The following RFX6 variants were observed in gnomAD, a reference collection of about 807,000 sequenced individuals.
The protein encoded by RFX6 is DNA-binding protein RFX6.
RFX6 carries 50 observed loss-of-function variants against 110.8 expected under a neutral mutation model. The observed-to-expected ratio is 0.45, with a 90% CI of 0.36 to 0.57. The LOEUF is 0.57. Ranked by LOEUF, RFX6 falls within the 20% of genes least tolerant of loss-of-function variation. The probability of loss-of-function intolerance (pLI) is 0.00; values close to 1 mark genes in which losing one functional copy is unlikely to be tolerated. For synonymous variants in RFX6, 383 were observed against 411.2 expected (o/e 0.93, Z 0.83); for missense variants, 990 against 1,127.0 (o/e 0.88, Z 1.74).
Position 116,919,055 on chromosome 6 carries a change from A to G in RFX6, c.1023-82A>G. On this transcript the variant is annotated intron_variant, in intron 10 of 18. Transcript: ENST00000332958. ...AAAGTACTGCTTATGAAACCATAGA[A>G]TAATAGTATACCTCAATTAAAATAT... 4.0e-6 allele frequency: 5 copies of G among 1,264,724 alleles called. 1 individual carries two copies. Among genetic ancestry groups the G allele is most frequent in the Non-Finnish European group, 5.8e-6 (5 of 868,466 alleles). The allele number at this position is 1,264,724 out of a possible 1,614,324, so 78.3% of individuals were successfully genotyped here.
At chr6:116,888,635 G>C (rs972615879) in intron 4 of RFX6, among the ~76,000 whole-genome samples, 1 of 152,114 alleles carries the variant, frequency 6.6e-6, no homozygotes, top group African/African-American at 2.4e-5. Context: ...TCTTTATTCA[G>C]AGTAACCTAC....
rs201186377 is a variant in RFX6, at chr6:116,920,323, C to T, written c.1196C>T (p.Ala399Val). 6 of 1,611,704 alleles carry T rather than the reference C, an allele frequency of 3.7e-6. No homozygotes were observed. The highest frequency in any genetic ancestry group is 1.7e-4 in the Middle Eastern group (1 of 6,060). The change falls in exon 12 of 19, where the codon GCT becomes GTT. Residue 399 changes from alanine (A) to valine (V), a missense_variant. Around this residue, in one of 5 missense-constraint regions of RFX6, gnomAD observed 243 missense variants for 353.1 expected, o/e 0.69. Coordinates refer to ENST00000332958, the MANE Select transcript of RFX6 (RefSeq NM_173560.4). ...FLHLAQIARP[A>V]LFDQHVVNSM... is the part of the protein sequence containing the mutation. ...TTCTCTATGCAGATTGCCAGACCAGCTCTCTTTGACCAGCATGTCGTTAAT... is the reference window on the plus strand; with the variant it reads ...TTCTCTATGCAGATTGCCAGACCAGTTCTCTTTGACCAGCATGTCGTTAAT...
At chr6:116,895,973 T>C (rs2114674477) in intron 6 of RFX6, among the ~76,000 whole-genome samples, 1 of 152,342 alleles carries the variant, frequency 6.6e-6, no homozygotes, top group Non-Finnish European at 1.5e-5. Context: ...AAATGGCCAA[T>C]TTCTTTCCAC....
chr6:116,894,045 T>A lies in RFX6; in HGVS notation c.625T>A (p.Ser209Thr). 2 of 1,595,084 alleles carry A rather than the reference T, an allele frequency of 1.3e-6. No homozygotes were observed. The highest frequency in any genetic ancestry group is 1.7e-6 in the Non-Finnish European group (2 of 1,162,802). Residue 209 changes from serine to threonine, a missense_variant, in exon 5 of 19, where the codon TCT becomes ACT. By Grantham distance (58) the Ser-to-Thr change is moderately conservative. This residue lies in a region of RFX6 where 243 missense variants were observed against 353.1 expected (regional missense o/e 0.69). Transcript: ENST00000332958. ...CAGTGCATATTACCACTCCGTTTAT[T>A]CTGGAAAGGGCTTGACAAGGTAGAG... ...ESSAYYHSVYSGKGLTRFSGS... is the reference protein window; with the variant it reads ...ESSAYYHSVYTGKGLTRFSGS...
At chr6:116,906,145 T>C (rs376010350) in intron 6 of RFX6, among the ~76,000 whole-genome samples, 14 of 152,324 alleles carry the variant, frequency 9.2e-5, no homozygotes, top group African/African-American at 2.9e-4. Context: ...CCCCATAGAA[T>C]GGTTTTGGCA....
At position 116,922,131 on chromosome 6, in the gene RFX6, G is replaced by A; in HGVS notation, c.1417G>A (p.Val473Ile). 2 of 1,456,098 alleles carry A rather than the reference G, an allele frequency of 1.4e-6. No homozygotes were observed. The highest frequency in any genetic ancestry group is 1.9e-6 in the Non-Finnish European group (2 of 1,037,270). 90.2% of individuals were successfully genotyped at this position (1,456,098 alleles called of 1,614,324 possible). A position where few individuals can be genotyped will look rare whatever the true frequency, so the allele number is the denominator to read the frequency against. The change falls in exon 13 of 19, where the codon GTA becomes ATA. Residue 473 changes from valine to isoleucine, a missense_variant. Coordinates refer to ENST00000332958, the MANE Select transcript of RFX6 (RefSeq NM_173560.4). Reference protein sequence around the residue: ...EAFIEWLDTVVEQRVIKTSKQ... With the variant: ...EAFIEWLDTVIEQRVIKTSKQ... Reference sequence around the variant, plus strand: ...TTTTATTGAATGGTTGGATACTGTGGTAGAACAGAGAGTTATTAAGGTACT... The same window carrying A: ...TTTTATTGAATGGTTGGATACTGTGATAGAACAGAGAGTTATTAAGGTACT...
chr6:116,911,181 C>A (rs1026402344), intron 7 of RFX6, 139 bp downstream of exon 7: 14 of 652,484 alleles, frequency 2.1e-5, no homozygotes, highest in African/African-American at 1.3e-4. Context: ...ATAGGAGAGG[C>A]AAACTTTTGT....
At chr6:116,885,930 C>A (rs1247205610) in intron 4 of RFX6, among the ~76,000 whole-genome samples, 1 of 151,920 alleles carries the variant, frequency 6.6e-6, no homozygotes, top group African/African-American at 2.4e-5. Context: ...ATTATCTTTG[C>A]AAACATTTCT....
chr6:116,931,844 G>T lies in RFX6; in HGVS notation c.*338G>T. The T allele has an allele frequency of 4.5e-6, 1 of 221,184 alleles. No individual in the cohort carries two copies. The highest frequency in any genetic ancestry group is 9.0e-6 in the Non-Finnish European group (1 of 111,272). The allele number at this position is 221,184 out of a possible 1,614,324, so 13.7% of individuals were successfully genotyped here. A position where few individuals can be genotyped will look rare whatever the true frequency, so the allele number is the denominator to read the frequency against. ...AACATCTGTGTGCCTTTTTATCTTT[G>T]GTTTCTTTTAAAAAGTATATTTAAT... On this transcript the variant is annotated 3_prime_UTR_variant, in exon 19 of 19. Transcript: ENST00000332958.
rs1431077637 is a variant in RFX6, at chr6:116,919,137, C to T, written c.1023C>T (p.Ser341=). The stretch of plus-strand genomic sequence containing the variant: ...ATTTAACACATAGCCTTCTTTGTAG[C>T]TTATTAGCAGACATAAGAAATTTTG... The part of the protein sequence containing the change: ...IPATMQEMPE[S]LLADIRNFAK... The change falls in exon 11 of 19, where the codon AGC becomes AGT. Residue 341 remains serine, a splice_region_variant and synonymous_variant. Transcript: ENST00000332958. 1.2e-6 allele frequency: 2 copies of T among 1,612,472 alleles called. No homozygotes were observed. Among genetic ancestry groups the T allele is most frequent in the Non-Finnish European group, 1.7e-6 (2 of 1,178,838 alleles).
chr6:116,909,116 T>A (rs1302295297), intron 6 of RFX6, among the ~76,000 whole-genome samples: 2 of 152,108 alleles, frequency 1.3e-5, no homozygotes, highest in African/African-American at 4.8e-5. Context: ...GTAAAAGGAT[T>A]TTTGATTACT....
chr6:116,886,158 G>A (rs7767664), intron 4 of RFX6, among the ~76,000 whole-genome samples: 15,033 of 151,974 alleles, frequency 0.099, 927 homozygotes, highest in African/African-American at 0.17. Flanking sequence ...CTAAATATTT[G>A]TTGAATTATT....
rs772750205 is a variant in RFX6, at chr6:116,877,407, A to G, written c.132A>G (p.Thr44=). The stretch of plus-strand genomic sequence containing the variant: ...GCTTGCTAGTCTATCCGGAAGAAAC[A>G]GTGTACCTGGCGGCCGAAGGGCAGC... The part of the protein sequence containing the change: ...GKGLLVYPEE[T]VYLAAEGQPG... The change falls in exon 1 of 19, where the codon ACA becomes ACG. Residue 44 remains threonine (T), a synonymous_variant. Transcript: ENST00000332958. 1.9e-6 allele frequency: 3 copies of G among 1,605,890 alleles called. No homozygotes were observed. The South Asian group carries it at 3.4e-5, about 18-fold the overall frequency.
rs575711022 is a variant in RFX6 at position 116,930,679 on chromosome 6, C to T, written c.2612-652C>T. On this transcript the variant is annotated intron_variant, in intron 18 of 18. Transcript: ENST00000332958. ...ATGTGAAGATCTGAGGGAGGAGTTCCAGGCAGAAGAAACAGTGAATGCAGA... is the reference window on the plus strand; with the variant it reads ...ATGTGAAGATCTGAGGGAGGAGTTCTAGGCAGAAGAAACAGTGAATGCAGA... 2.0e-5 allele frequency among the ~76,000 whole-genome samples: 3 copies of T among 151,950 alleles called. No individual in the cohort carries two copies. In the East Asian group the frequency reaches 5.8e-4, roughly 29 times the overall value.
chr6:116,927,011 T>C lies in RFX6; in HGVS notation c.1886-16T>C. Reference sequence around the variant, plus strand: ...TTAATATGACACTAAAGGAATGTTCTGGTGATTTTTTCCAGGTCAAATGGA... The same window carrying C: ...TTAATATGACACTAAAGGAATGTTCCGGTGATTTTTTCCAGGTCAAATGGA... On this transcript the variant is annotated splice_polypyrimidine_tract_variant and intron_variant, in intron 16 of 18. Coordinates refer to ENST00000332958, the MANE Select transcript of RFX6 (RefSeq NM_173560.4). 1.2e-6 allele frequency: 2 copies of C among 1,609,634 alleles called. No individual in the cohort carries two copies. The highest frequency in any genetic ancestry group is 2.2e-5 in the East Asian group (1 of 44,864).
chr6:116,905,562 T>C (rs1775182445), intron 6 of RFX6, among the ~76,000 whole-genome samples: 1 of 151,752 alleles, frequency 6.6e-6, no homozygotes, highest in Admixed American at 6.6e-5. Flanking sequence ...GTTTCTTTTT[T>C]TTTTTTTTTG....
intron 2 of RFX6, among the ~76,000 whole-genome samples, 164 bp downstream of exon 2, chr6:116,878,116 T>C (rs1285662921): frequency 6.6e-6 from 1 of 152,214 alleles, no homozygotes; most frequent in Non-Finnish European, 1.5e-5. Flanking sequence ...GAATTTTTAG[T>C]ATAGAGACTT....
rs761357881 is a variant in RFX6 at position 116,925,649 on chromosome 6, G to A, written c.1875G>A (p.Met625Ile). Residue 625 changes from methionine to isoleucine, a missense_variant, in exon 16 of 19, where the codon ATG becomes ATA. Physicochemically the swap from Met to Ile is conservative, Grantham distance 10. Around this residue, in one of 5 missense-constraint regions of RFX6, gnomAD observed 438 missense variants for 441.9 expected, o/e 0.99. Transcript: ENST00000332958. Reference protein sequence around the residue: ...HQFPAGNTDNMPLTGQMELSQ... With the variant: ...HQFPAGNTDNIPLTGQMELSQ... ...TCCCTGCTGGGAACACAGACAACAT[G>A]CCGCTCACAGGTACGCTAAAGAGAA... is the stretch of plus-strand genomic sequence containing the variant. 35 of 1,612,596 alleles carry A rather than the reference G, an allele frequency of 2.2e-5. No individual in the cohort carries two copies. The highest frequency in any genetic ancestry group is 1.7e-4 in the Middle Eastern group (1 of 6,022).
chr6:116,921,363 A>T (rs1221904193), intron 12 of RFX6, among the ~76,000 whole-genome samples: 1 of 152,208 alleles, frequency 6.6e-6, no homozygotes, highest in Non-Finnish European at 1.5e-5. Flanking sequence ...AAGATAAAAG[A>T]TATTTTGGAA....
Sources: allele counts gnomAD v4.1 joint callset (sites outside exome capture counted in the v4.1 genomes callset), GRCh38; gene constraint gnomAD v4.1.1; regional missense constraint gnomAD v4.1.1; transcripts MANE v1.5; gene names NCBI Gene and HGNC (gene_info 2026-07-23, HGNC 2026-07-21).